Variants in HYAL4 observed in about 807,000 individuals in gnomAD.
HYAL4 encodes hyaluronidase-4.
A neutral mutation model predicts 35.2 loss-of-function variants in HYAL4; 37 were observed. That is an observed-to-expected ratio of 1.05 (90% confidence interval 0.81 to 1.38). HYAL4 has a LOEUF of 1.38. Ranked by LOEUF, HYAL4 falls within the 40% of genes most tolerant of loss-of-function variation. The pLI is 0.00. For synonymous variants in HYAL4, 198 were observed against 203.2 expected (o/e 0.97, Z 0.22); for missense variants, 572 against 572.4 (o/e 1.00, Z 0.01).
intron 2 of HYAL4, among the ~76,000 whole-genome samples, chr7:123,853,593 G>C (rs898772214): frequency 1.3e-5 from 2 of 152,182 alleles, no homozygotes; most frequent in Non-Finnish European, 2.9e-5. Context: ...GATTGTGGTA[G>C]ATAGGCTTTT....
the HYAL4 span, among the ~76,000 whole-genome samples, chr7:123,766,402 T>TG: frequency 6.6e-6 from 1 of 152,138 alleles, no homozygotes; most frequent in African/African-American, 2.4e-5. Flanking sequence ...CAGTAAGAGA[T>TG]GTGGGGTTTA....
chr7:123,785,056 T>G, the HYAL4 span, among the ~76,000 whole-genome samples: 1 of 152,310 alleles, frequency 6.6e-6, no homozygotes, highest in African/African-American at 2.4e-5. This position sits in a 1 kb window ranked among gnomAD's most constrained non-coding sequence, Gnocchi z 4.5. Flanking sequence ...AAACAATTAT[T>G]GAAAAATTAA....
chr7:123,857,199 G>A (rs1038727320), intron 2 of HYAL4, among the ~76,000 whole-genome samples: 1 of 152,122 alleles, frequency 6.6e-6, no homozygotes, highest in Non-Finnish European at 1.5e-5. Context: ...GAATGGTTCT[G>A]TCTCATTGGT....
intron 2 of HYAL4, among the ~76,000 whole-genome samples, chr7:123,849,950 C>T (rs1806265475): frequency 6.6e-6 from 1 of 152,182 alleles, no homozygotes; most frequent in African/African-American, 2.4e-5. Flanking sequence ...TTCTATATTT[C>T]TCATATGTTT....
the HYAL4 span, among the ~76,000 whole-genome samples, chr7:123,817,475 A>G: frequency 2.7e-5 from 4 of 149,660 alleles, no homozygotes; most frequent in Non-Finnish European, 5.9e-5. Context: ...TCCTGCCTGT[A>G]CTATCTTGAC....
At chr7:123,873,292 G>A (rs1348708763) in intron 3 of HYAL4, among the ~76,000 whole-genome samples, 1 of 151,462 alleles carries the variant, frequency 6.6e-6, no homozygotes, top group African/African-American at 2.4e-5. Context: ...GCTATGACCT[G>A]TTCAACAGAT....
At chr7:123,850,265 A>G (rs1311110478) in intron 2 of HYAL4, among the ~76,000 whole-genome samples, 4 of 152,184 alleles carry the variant, frequency 2.6e-5, no homozygotes, top group African/African-American at 9.7e-5. Context: ...TTGTTGAGAC[A>G]GGGTCTCACT....
At chr7:123,822,676 T>C in the HYAL4 span, among the ~76,000 whole-genome samples, 73 of 152,208 alleles carry the variant, frequency 4.8e-4, no homozygotes, top group Non-Finnish European at 9.3e-4. Context: ...TGGTCAGAGT[T>C]GGCTGGATGA....
At chr7:123,871,574 C>T (rs1044535536) in intron 3 of HYAL4, among the ~76,000 whole-genome samples, 6 of 152,078 alleles carry the variant, frequency 3.9e-5, no homozygotes, top group Non-Finnish European at 7.4e-5. Flanking sequence ...CTGATTTTCC[C>T]AACAATGTCT....
chr7:123,794,098 G>A, the HYAL4 span, among the ~76,000 whole-genome samples: 11 of 152,176 alleles, frequency 7.2e-5, no homozygotes, highest in Non-Finnish European at 1.3e-4. Context: ...GGAACTTTTT[G>A]GGAACTGGAG....
At position 123,845,441 on chromosome 7, in the gene HYAL4, T is replaced by G. The variant is rs1462491211; in HGVS notation, c.-366T>G. ...CCAGAATGGTTTTGCATTCCTGACCTCAAGTGATCTGCCTGCCTCAGCCTC... is the reference window on the plus strand; with the variant it reads ...CCAGAATGGTTTTGCATTCCTGACCGCAAGTGATCTGCCTGCCTCAGCCTC... On this transcript the variant is annotated 5_prime_UTR_variant, in exon 1 of 5. Coordinates refer to ENST00000223026, the MANE Select transcript of HYAL4 (RefSeq NM_012269.3). 6.6e-6 allele frequency: 1 copy of G among 152,084 alleles called. No individual in the cohort carries two copies. The highest frequency in any genetic ancestry group is 1.9e-4 in the East Asian group (1 of 5,166). 9.4% of individuals were successfully genotyped at this position (152,084 alleles called of 1,614,324 possible).
the HYAL4 span, among the ~76,000 whole-genome samples, chr7:123,797,874 A>G: frequency 8.5e-3 from 1,290 of 152,322 alleles, 10 homozygotes; most frequent in Non-Finnish European, 0.012. Flanking sequence ...TTTGTTCCCC[A>G]GGACTCAATT....
At chr7:123,850,891 T>C (rs1190445724) in intron 2 of HYAL4, among the ~76,000 whole-genome samples, 1 of 152,176 alleles carries the variant, frequency 6.6e-6, no homozygotes, top group Non-Finnish European at 1.5e-5. Context: ...TTCCTTATTG[T>C]ATTAGGAAAT....
chr7:123,794,297 A>G, the HYAL4 span, among the ~76,000 whole-genome samples: 1 of 152,210 alleles, frequency 6.6e-6, no homozygotes, highest in Non-Finnish European at 1.5e-5. Flanking sequence ...AATCTGATAG[A>G]AAAGGAAAAC....
At chr7:123,835,678 T>C (rs989006332) in intron 1 of HYAL4, among the ~76,000 whole-genome samples, 6 of 152,182 alleles carry the variant, frequency 3.9e-5, no homozygotes, top group South Asian at 2.1e-4. Context: ...AGATTGTCTA[T>C]TTATGCTTTT....
intron 2 of HYAL4, among the ~76,000 whole-genome samples, chr7:123,866,634 A>G (rs944942999): frequency 8.5e-5 from 13 of 152,310 alleles, no homozygotes; most frequent in African/African-American, 2.9e-4. Context: ...CAAGACTGCA[A>G]ACGTTTTATG....
At chr7:123,829,372 T>C (rs903756841) in intron 1 of HYAL4, 4 of 152,154 alleles carry the variant, frequency 2.6e-5, no homozygotes, top group African/African-American at 9.7e-5. Flanking sequence ...TTTTAGCCCT[T>C]ACTACAATGC....
upstream of HYAL4, among the ~76,000 whole-genome samples, chr7:123,825,765 T>A (rs935816900): frequency 6.6e-6 from 1 of 152,184 alleles, no homozygotes; most frequent in Non-Finnish European, 1.5e-5. Flanking sequence ...TAGTTAGGCT[T>A]GTCAGATATA....
the HYAL4 span, among the ~76,000 whole-genome samples, chr7:123,790,210 A>G: frequency 6.6e-6 from 1 of 152,226 alleles, no homozygotes; most frequent in African/African-American, 2.4e-5. Flanking sequence ...CAGTAATGAA[A>G]ACAGGGGAAA....
Sources: allele counts gnomAD v4.1 joint callset (sites outside exome capture counted in the v4.1 genomes callset), GRCh38; gene constraint gnomAD v4.1.1; non-coding constraint Gnocchi (gnomAD v3.1); transcripts MANE v1.5; gene names NCBI Gene and HGNC (gene_info 2026-07-23, HGNC 2026-07-21).